Variants in GABBR2 observed in about 807,000 individuals in gnomAD.
GABBR2 encodes G-protein coupled receptor 51.
GABBR2 carries 23 observed loss-of-function variants against 105.6 expected under a neutral mutation model. The ratio of observed to expected loss-of-function variants is 0.22; its 90% CI spans 0.16 to 0.31. The LOEUF is 0.31. GABBR2 is among the 10% of genes least tolerant of loss of function. GABBR2 has a pLI of 1.00. For synonymous variants in GABBR2, 478 were observed against 499.7 expected, an observed-to-expected ratio of 0.96 and a Z score of 0.58; for missense variants, 734 against 1,245.5, an observed-to-expected ratio of 0.59 and a Z score of 6.18.
chr9:98,565,307 G>A (rs566850608), intron 2 of GABBR2, among the ~76,000 whole-genome samples: 1 of 152,286 alleles, frequency 6.6e-6, no homozygotes, highest in South Asian at 2.1e-4. Flanking sequence ...CTCAGCCCCT[G>A]AGCACTTGCC....
chr9:98,373,600 A>C (rs1424408441), intron 11 of GABBR2, among the ~76,000 whole-genome samples: 1 of 152,198 alleles, frequency 6.6e-6, no homozygotes, highest in Non-Finnish European at 1.5e-5. Flanking sequence ...GTAGCTGACC[A>C]ACCTGTAACA....
rs13300613 is a variant in GABBR2, at chr9:98,303,620, C to T, written c.2230-197G>A. 0.25 allele frequency among the ~76,000 whole-genome samples: 37,890 copies of T among 152,192 alleles called. 4,973 individuals carry two copies. The highest frequency in any genetic ancestry group is 0.39 in the South Asian group (1,902 of 4,822). On this transcript the variant is annotated intron_variant, in intron 15 of 18. Coordinates refer to ENST00000259455, the MANE Select transcript of GABBR2 (RefSeq NM_005458.8). ...TTGTGTGTGACCTGGGGCAGGCCCC[C>T]TCCCCTCACCAAGCCTCCATGTCCT...
At chr9:98,513,745 A>T (rs1185205937) in intron 3 of GABBR2, among the ~76,000 whole-genome samples, 1 of 152,198 alleles carries the variant, frequency 6.6e-6, no homozygotes, top group East Asian at 1.9e-4. Context: ...ATCATTAAAA[A>T]GTCAGGAAAC....
intron 13 of GABBR2, among the ~76,000 whole-genome samples, chr9:98,318,719 G>A (rs1322315917): frequency 6.6e-6 from 1 of 152,138 alleles, no homozygotes; most frequent in Non-Finnish European, 1.5e-5. Flanking sequence ...TGAGGGAGGG[G>A]GTGCTTTCCA....
At chr9:98,485,722 A>G (rs1178003541) in intron 4 of GABBR2, among the ~76,000 whole-genome samples, 1 of 152,208 alleles carries the variant, frequency 6.6e-6, no homozygotes, top group Non-Finnish European at 1.5e-5. Context: ...CTTTGGAAAG[A>G]TTCATGAGCA....
intron 4 of GABBR2, among the ~76,000 whole-genome samples, chr9:98,482,580 A>G (rs1269090825): frequency 6.6e-6 from 1 of 152,166 alleles, no homozygotes; most frequent in African/African-American, 2.4e-5. Flanking sequence ...GCAAGTATCT[A>G]TTGATCATCT....
At position 98,606,984 on chromosome 9, in the gene GABBR2, C is replaced by T. The variant is rs529341323; in HGVS notation, c.322-28912G>A. 23 of 820,458 alleles carry T rather than the reference C, an allele frequency of 2.8e-5. No homozygotes were observed. In the African/African-American group the frequency reaches 3.3e-4, roughly 12 times the overall value. 50.8% of individuals were successfully genotyped at this position (820,458 alleles called of 1,614,324 possible). A position where few individuals can be genotyped will look rare whatever the true frequency, so the allele number is the denominator to read the frequency against. ...GCCTGCATCCAAACCGCTGCTCGCCCCATGTCGCTCGGTAGCTCAACAGAA... is the reference window on the plus strand; with the variant it reads ...GCCTGCATCCAAACCGCTGCTCGCCTCATGTCGCTCGGTAGCTCAACAGAA... On this transcript the variant is annotated intron_variant, in intron 1 of 18. Transcript: ENST00000259455.
chr9:98,507,153 T>C (rs72603694), intron 3 of GABBR2, among the ~76,000 whole-genome samples: 18,115 of 152,250 alleles, frequency 0.12, 1,764 homozygotes, highest in East Asian at 0.5. Flanking sequence ...TCATCAGTGA[T>C]GGATAGAGTC....
intron 1 of GABBR2, among the ~76,000 whole-genome samples, chr9:98,600,105 A>AAT: frequency 6.6e-6 from 1 of 152,302 alleles, no homozygotes; most frequent in Non-Finnish European, 1.5e-5. Context: ...TCCATCATAA[A>AAT]AAGCTCAAGA....
chr9:98,621,352 A>G (rs1187074053), intron 1 of GABBR2, among the ~76,000 whole-genome samples: 1 of 152,182 alleles, frequency 6.6e-6, no homozygotes, highest in Non-Finnish European at 1.5e-5. Context: ...TGGCATCCAC[A>G]TCGTGTGGTT....
At chr9:98,549,150 T>C (rs1828441826) in intron 2 of GABBR2, among the ~76,000 whole-genome samples, 2 of 121,796 alleles carry the variant, frequency 1.6e-5, no homozygotes. Flanking sequence ...TTCACCATGT[T>C]GGACAGGCTG....
At chr9:98,631,614 T>C (rs1244792531) in intron 1 of GABBR2, among the ~76,000 whole-genome samples, 1 of 152,250 alleles carries the variant, frequency 6.6e-6, no homozygotes, top group African/African-American at 2.4e-5. Flanking sequence ...TAATAGAGAC[T>C]CAGTCCACTC....
At chr9:98,436,331 TAC>T (rs371477170) in intron 7 of GABBR2, among the ~76,000 whole-genome samples, 3,234 of 26,110 alleles carry the variant, frequency 0.12, 491 homozygotes, top group African/African-American at 0.22. Flanking sequence ...TATATATATA[TAC>T]ACACACACAC....
chr9:98,536,225 C>A (rs112263503), intron 3 of GABBR2, among the ~76,000 whole-genome samples: 1,963 of 152,260 alleles, frequency 0.013, 37 homozygotes, highest in African/African-American at 0.044. Context: ...GTGGCAGGAT[C>A]AGGGTCAAAG....
intron 1 of GABBR2, chr9:98,608,076 GA>G: frequency 1.5e-6 from 2 of 1,312,866 alleles, no homozygotes; most frequent in South Asian, 2.5e-5. Flanking sequence ...ACGTATTTTA[GA>G]ACAACGAACT....
In GABBR2 at chr9:98,362,697, C is replaced by G; in HGVS notation, c.1893+18G>C. Reference sequence around the variant, plus strand: ...GCTGCATCTGCAGGCTTCCCTCCTGCCGGCATGGAGGGCTTACCTCCATGC... The same window carrying G: ...GCTGCATCTGCAGGCTTCCCTCCTGGCGGCATGGAGGGCTTACCTCCATGC... On this transcript the variant is annotated intron_variant, in intron 13 of 18. Coordinates refer to ENST00000259455, the MANE Select transcript of GABBR2 (RefSeq NM_005458.8). The G allele has an allele frequency of 6.8e-7, 1 of 1,476,730 alleles. No individual in the cohort carries two copies. The highest frequency in any genetic ancestry group is 9.0e-7 in the Non-Finnish European group (1 of 1,111,274). 91.5% of individuals were successfully genotyped at this position (1,476,730 alleles called of 1,614,324 possible). A position where few individuals can be genotyped will look rare whatever the true frequency, so the allele number is the denominator to read the frequency against.
rs1007651 is a variant in GABBR2 at position 98,500,483 on chromosome 9, C to T, written c.631-3969G>A. Among the ~76,000 whole-genome samples the T allele has an allele frequency of 2.8e-4, 43 of 152,234 alleles. 1 individual carries two copies. In the East Asian group the frequency reaches 6.0e-3, roughly 21 times the overall value. ...GAGGAGTGCTGTGAGCAGGCACCAA[C>T]GGCTGCTGGAAAGGAGGTAAGGAAG... is the stretch of plus-strand genomic sequence containing the variant. On this transcript the variant is annotated intron_variant, in intron 3 of 18. Transcript: ENST00000259455.
intron 14 of GABBR2, among the ~76,000 whole-genome samples, chr9:98,307,112 G>A (rs1830564066): frequency 1.3e-5 from 2 of 152,200 alleles, no homozygotes. Flanking sequence ...GATTCTGGGA[G>A]CCTTACCCCA....
In GABBR2 at chr9:98,604,650, T is replaced by C. The variant is rs114206506; in HGVS notation, c.322-26578A>G. On this transcript the variant is annotated intron_variant, in intron 1 of 18. Coordinates refer to ENST00000259455, the MANE Select transcript of GABBR2 (RefSeq NM_005458.8). ...AATGCTGGCTGGATGCTCATACTAA[T>C]AGAGACAACAATGGTAATCATAAGA... Among the ~76,000 whole-genome samples the C allele has an allele frequency of 3.4e-3, 511 of 152,296 alleles. 3 individuals carry two copies. The highest frequency in any genetic ancestry group is 0.012 in the African/African-American group (487 of 41,544).
Sources: allele counts gnomAD v4.1 joint callset (sites outside exome capture counted in the v4.1 genomes callset), GRCh38; gene constraint gnomAD v4.1.1; transcripts MANE v1.5; gene names NCBI Gene and HGNC (gene_info 2026-07-23, HGNC 2026-07-21).